The following EBF1 variants were observed in gnomAD, a reference collection of about 807,000 sequenced individuals.
The protein encoded by EBF1 is transcription factor COE1.
A neutral mutation model predicts 68.4 loss-of-function variants in EBF1; 10 were observed. That is an observed-to-expected ratio of 0.15 (90% CI 0.09 to 0.25). The LOEUF (loss-of-function observed/expected upper bound fraction) is 0.25. Among genes scored for constraint, EBF1 ranks in the 10% least tolerant of loss-of-function variants. The pLI is 1.00. For synonymous variants in EBF1, 298 were observed against 299.8 expected (o/e 0.99, Z 0.06); for missense variants, 509 against 794.4 (o/e 0.64, Z 4.32).
intron 6 of EBF1, among the ~76,000 whole-genome samples, chr5:158,848,273 C>A (rs985481020): frequency 6.6e-6 from 1 of 151,502 alleles, no homozygotes; most frequent in African/African-American, 2.4e-5. Flanking sequence ...AAACTATATT[C>A]TTTACATGTT....
rs151248217 is a variant in EBF1, at chr5:158,902,571, C to T, written c.555-62461G>A. Reference sequence around the variant, plus strand: ...CCTCCCAAGTATCTAGGACTACAGGCATGCACCACCACACCTGAATAATTT... The same window carrying T: ...CCTCCCAAGTATCTAGGACTACAGGTATGCACCACCACACCTGAATAATTT... On this transcript the variant is annotated intron_variant, in intron 6 of 15. Coordinates refer to ENST00000313708, the MANE Select transcript of EBF1 (RefSeq NM_024007.5). Among the ~76,000 whole-genome samples, 23 of 150,394 alleles carry T rather than the reference C, an allele frequency of 1.5e-4. No individual in the cohort carries two copies. The East Asian group carries it at 4.3e-3, about 28-fold the overall frequency.
chr5:159,095,311 G>A (rs1265157167), intron 4 of EBF1, among the ~76,000 whole-genome samples: 2 of 152,088 alleles, frequency 1.3e-5, no homozygotes, highest in African/African-American at 2.4e-5. Context: ...GGGCACCTTT[G>A]AGCCCTTCGG....
intron 6 of EBF1, among the ~76,000 whole-genome samples, chr5:158,864,820 G>A (rs1795588245): frequency 6.6e-6 from 1 of 152,178 alleles, no homozygotes; most frequent in African/African-American, 2.4e-5. Context: ...AAAGGCCAGT[G>A]TGGCTGCAGC....
intron 6 of EBF1, among the ~76,000 whole-genome samples, chr5:158,995,863 C>T (rs1761305251): frequency 6.6e-6 from 1 of 152,168 alleles, no homozygotes; most frequent in South Asian, 2.1e-4. Flanking sequence ...ATCTCATCTT[C>T]GGTCACAGAC....
chr5:158,788,522 G>T (rs1218335746), intron 9 of EBF1, among the ~76,000 whole-genome samples: 1 of 152,182 alleles, frequency 6.6e-6, no homozygotes, highest in African/African-American at 2.4e-5. Flanking sequence ...GAATCCCAAA[G>T]AAGTTGTGGC....
At chr5:159,033,742 C>T (rs1397261933) in intron 6 of EBF1, among the ~76,000 whole-genome samples, 1 of 152,054 alleles carries the variant, frequency 6.6e-6, no homozygotes, top group East Asian at 1.9e-4. Context: ...GCATAAAATG[C>T]CCTACAGATA....
intron 6 of EBF1, among the ~76,000 whole-genome samples, chr5:158,935,984 G>C (rs971902549): frequency 1.1e-4 from 16 of 152,180 alleles, no homozygotes; most frequent in African/African-American, 3.9e-4. Flanking sequence ...AAGATAGACT[G>C]GTTGAATTAT....
Position 158,836,720 on chromosome 5 carries a change from T to A in EBF1, c.636+3309A>T, listed in dbSNP as rs143375803. On this transcript the variant is annotated intron_variant, in intron 7 of 15. Transcript: ENST00000313708. ...AGGGATAAAAAATAAAATGTGACAG[T>A]GTTCATTCTGCCATGGGTTCCTCCA... Among the ~76,000 whole-genome samples, 122 of 152,324 alleles carry A rather than the reference T, an allele frequency of 8.0e-4. 1 individual carries two copies. The highest frequency in any genetic ancestry group is 2.8e-3 in the African/African-American group (117 of 41,578).
At chr5:158,969,892 GAAAGAAAGAAAGAAAGAAAGAAAGAA>G (rs1561662773) in intron 6 of EBF1, among the ~76,000 whole-genome samples, 7 of 99,064 alleles carry the variant, frequency 7.1e-5, no homozygotes, top group Middle Eastern at 4.4e-3. Flanking sequence ...AAGAAAGAAA[GAAAGAAAGAAAGAAAGAAAGAAAGAA>G]AAAAAAAAAA....
chr5:158,952,131 C>T (rs1200624962), intron 6 of EBF1, among the ~76,000 whole-genome samples: 7 of 152,156 alleles, frequency 4.6e-5, no homozygotes, highest in Admixed American at 2.0e-4. Context: ...TCAGTATTCC[C>T]CCTGTAGAAG....
intron 11 of EBF1, among the ~76,000 whole-genome samples, chr5:158,717,059 A>G (rs904166244): frequency 6.6e-6 from 1 of 152,230 alleles, no homozygotes; most frequent in Non-Finnish European, 1.5e-5. Flanking sequence ...TTTAAAGGCT[A>G]AAGCATGTTT....
chr5:158,997,842 C>T lies in EBF1; in HGVS notation c.554+75554G>A, dbSNP rs142786872. On this transcript the variant is annotated intron_variant, in intron 6 of 15. Coordinates refer to ENST00000313708, the MANE Select transcript of EBF1 (RefSeq NM_024007.5). ...CCTTACCTCAACGCTCATGTTCTTG[C>T]AGCGTCAAAGCACTCCTCACATCAT... is the stretch of plus-strand genomic sequence containing the variant. 2.4e-3 allele frequency among the ~76,000 whole-genome samples: 359 copies of T among 152,298 alleles called. 2 individuals carry two copies. The highest frequency in any genetic ancestry group is 4.2e-3 in the Non-Finnish European group (289 of 68,026).
At chr5:158,738,389 C>T (rs1765643443) in intron 10 of EBF1, among the ~76,000 whole-genome samples, 1 of 152,132 alleles carries the variant, frequency 6.6e-6, no homozygotes, top group African/African-American at 2.4e-5. Flanking sequence ...AAATTTATGC[C>T]AATTTACATT....
intron 6 of EBF1, among the ~76,000 whole-genome samples, chr5:158,882,847 G>A (rs922399085): frequency 9.2e-5 from 14 of 152,308 alleles, no homozygotes; most frequent in Non-Finnish European, 1.2e-4. Flanking sequence ...ACCCCAAGAC[G>A]GTGCAGAGCC....
chr5:158,880,751 G>GT (rs1417767011), intron 6 of EBF1, among the ~76,000 whole-genome samples: 1 of 152,322 alleles, frequency 6.6e-6, no homozygotes, highest in Non-Finnish European at 1.5e-5. Flanking sequence ...GAAGTTGACT[G>GT]CTAAATGAAA....
intron 8 of EBF1, among the ~76,000 whole-genome samples, chr5:158,802,216 G>C (rs1050703495): frequency 6.6e-6 from 1 of 152,046 alleles, no homozygotes; most frequent in Non-Finnish European, 1.5e-5. Flanking sequence ...AGATGACCCA[G>C]GTTCAGCATT....
chr5:158,869,354 T>A (rs1262964637), intron 6 of EBF1, among the ~76,000 whole-genome samples: 4 of 152,096 alleles, frequency 2.6e-5, no homozygotes, highest in Non-Finnish European at 5.9e-5. Context: ...AGGATCTGGA[T>A]ACCCTGAGAG....
At chr5:159,012,751 G>A (rs958502904) in intron 6 of EBF1, among the ~76,000 whole-genome samples, 5 of 152,060 alleles carry the variant, frequency 3.3e-5, no homozygotes, top group Non-Finnish European at 7.4e-5. Flanking sequence ...CTCCCAACTT[G>A]GCAACCCAAA....
chr5:159,079,063 T>C (rs572076656), intron 5 of EBF1, among the ~76,000 whole-genome samples: 2 of 152,342 alleles, frequency 1.3e-5, no homozygotes, highest in South Asian at 4.1e-4. Flanking sequence ...GACTGAGATC[T>C]ATGATTTATC....
Sources: gnomAD v4.1 joint callset for allele counts (sites outside exome capture counted in the v4.1 genomes callset) on GRCh38, gnomAD v4.1.1 for gene constraint, MANE v1.5 for transcripts, NCBI Gene and HGNC (gene_info 2026-07-23, HGNC 2026-07-21) for gene names.